EVC2: variants seen among roughly 807,000 people sequenced by gnomAD.
EVC2 encodes the protein limbin.
A neutral mutation model predicts 149.3 loss-of-function variants in EVC2; 148 were observed. The observed-to-expected ratio is 0.99, with a 90% CI of 0.87 to 1.14. The LOEUF (loss-of-function observed/expected upper bound fraction) is 1.14. Ranked by LOEUF, EVC2 falls within the 50% of genes most tolerant of loss-of-function variation. The pLI is 0.00. For missense variants in EVC2, 1,854 were observed against 1,627.3 expected, an observed-to-expected ratio of 1.14 and a Z score of -2.40; for synonymous variants, 776 against 649.9, an observed-to-expected ratio of 1.19 and a Z score of -2.95.
rs568914319 is a variant in EVC2, at chr4:5,614,268, C to A, written c.2829+1154G>T. Among the ~76,000 whole-genome samples the A allele has an allele frequency of 2.8e-4, 43 of 152,302 alleles. No individual in the cohort carries two copies. The South Asian group carries it at 8.9e-3, about 32-fold the overall frequency. ...TTTCTTTCCTTAATAGCACTGATGA[C>A]AGTCTATCATTTTAAGTGTTTATGA... is the stretch of plus-strand genomic sequence containing the variant. On this transcript the variant is annotated intron_variant, in intron 16 of 21. Coordinates refer to ENST00000344408, the MANE Select transcript of EVC2 (RefSeq NM_147127.5). This position sits in a 1 kb window ranked among gnomAD's most constrained non-coding sequence, Gnocchi z 4.7.
chr4:5,694,398 A>T lies in EVC2; in HGVS notation c.387T>A (p.Ala129=). The T allele has an allele frequency of 6.2e-7, 1 of 1,614,196 alleles. No homozygotes were observed. Residue 129 remains alanine (A), a synonymous_variant, in exon 3 of 22, where the codon GCT becomes GCA. Coordinates refer to ENST00000344408, the MANE Select transcript of EVC2 (RefSeq NM_147127.5). ...TCTTCTTAGGCCAGGAGGGTATAAAAGCAAATAAGGAATGAGCCCATGGCC... is the reference window on the plus strand; with the variant it reads ...TCTTCTTAGGCCAGGAGGGTATAAATGCAAATAAGGAATGAGCCCATGGCC... ...SSGPWAHSLF[A]FIPSWPKKNL...
chr4:5,685,890 C>T (rs74771206), intron 5 of EVC2, among the ~76,000 whole-genome samples: 20,981 of 152,122 alleles, frequency 0.14, 1,634 homozygotes, highest in African/African-American at 0.21. Context: ...CTGATGTGGC[C>T]GGGTGGGTGA....
intron 16 of EVC2, among the ~76,000 whole-genome samples, chr4:5,601,510 T>TA (rs965447959): frequency 1.9e-4 from 21 of 109,430 alleles, no homozygotes; most frequent in Admixed American, 4.3e-4. Flanking sequence ...AGACAAATAG[T>TA]AAAAAAAAGG....
rs999615090 is a variant in EVC2 at position 5,637,230 on chromosome 4, A to T, written c.1470+3284T>A. Among the ~76,000 whole-genome samples the T allele has an allele frequency of 5.3e-5, 8 of 152,178 alleles. No individual in the cohort carries two copies. Among genetic ancestry groups the T allele is most frequent in the Admixed American group, 6.5e-5 (1 of 15,280 alleles). ...AGTCTTTTGATAGCAAAGCCACTAGAAACATTCTAGGTGCCCCACAGGACG... is the reference window on the plus strand; with the variant it reads ...AGTCTTTTGATAGCAAAGCCACTAGTAACATTCTAGGTGCCCCACAGGACG... On this transcript the variant is annotated intron_variant, in intron 10 of 21. Coordinates refer to ENST00000344408, the MANE Select transcript of EVC2 (RefSeq NM_147127.5). This position sits in a 1 kb window ranked among gnomAD's most constrained non-coding sequence, Gnocchi z 4.4.
intron 1 of EVC2, among the ~76,000 whole-genome samples, chr4:5,699,314 ATG>A (rs1202658053): frequency 2.6e-5 from 4 of 152,232 alleles, no homozygotes; most frequent in African/African-American, 9.6e-5. Context: ...CACGGAGCTT[ATG>A]TTATGTTATG....
rs766621900 is a variant in EVC2, at chr4:5,689,187, A to G, written c.676T>C (p.Phe226Leu). The G allele has an allele frequency of 6.2e-7, 1 of 1,614,222 alleles. No individual in the cohort carries two copies. The highest frequency in any genetic ancestry group is 8.5e-7 in the Non-Finnish European group (1 of 1,180,050). ...AGAAACTTCTTGCTAAAAGCCTGGA[A>G]TCCTTCCGAGGTCCTGTTTCCCACA... ...DSVGNRTSEG[F>L]QAFSKKFLQV... is the part of the protein sequence containing the mutation. The change falls in exon 5 of 22, where the codon TTC becomes CTC. Residue 226 changes from phenylalanine to leucine, a missense_variant. Phe to Leu is a conservative substitution (Grantham distance 22, BLOSUM62 0). Coordinates refer to ENST00000344408, the MANE Select transcript of EVC2 (RefSeq NM_147127.5).
intron 7 of EVC2, among the ~76,000 whole-genome samples, chr4:5,671,080 A>G (rs1357116666): frequency 6.6e-6 from 1 of 152,248 alleles, no homozygotes; most frequent in Non-Finnish European, 1.5e-5. Context: ...CAAGTGCTTT[A>G]CATGTATTAA....
At chr4:5,573,509 C>T (rs1160056235) in intron 19 of EVC2, among the ~76,000 whole-genome samples, 1 of 152,164 alleles carries the variant, frequency 6.6e-6, no homozygotes, top group African/African-American at 2.4e-5. Flanking sequence ...GTCCTACAAC[C>T]ACAATGGGCT....
intron 15 of EVC2, among the ~76,000 whole-genome samples, chr4:5,615,767 G>T (rs553013634): frequency 2.0e-5 from 3 of 152,214 alleles, no homozygotes; most frequent in South Asian, 4.2e-4. Flanking sequence ...CCCACCAAAG[G>T]GAGCAGAGGG....
chr4:5,556,014 C>T lies in EVC2; in HGVS notation c.3419+9244G>A, dbSNP rs191928230. ...CCAACATAGTGAAATCCCATCTCTACTAAAAATACAAAAAATTAGCCGGGC... is the reference window on the plus strand; with the variant it reads ...CCAACATAGTGAAATCCCATCTCTATTAAAAATACAAAAAATTAGCCGGGC... On this transcript the variant is annotated intron_variant and NMD_transcript_variant, in intron 21 of 22. Transcript: ENST00000475313. Among the ~76,000 whole-genome samples the T allele has an allele frequency of 3.6e-4, 54 of 151,804 alleles. No individual in the cohort carries two copies. The South Asian group carries it at 7.1e-3, about 20-fold the overall frequency.
At chr4:5,556,728 A>G (rs1034708420) in intron 21 of EVC2, among the ~76,000 whole-genome samples, 5 of 152,170 alleles carry the variant, frequency 3.3e-5, no homozygotes, top group African/African-American at 1.2e-4. Flanking sequence ...AAAATTACCA[A>G]TATCAGAAAT....
At chr4:5,675,873 G>A (rs978291805) in intron 7 of EVC2, among the ~76,000 whole-genome samples, 1 of 152,174 alleles carries the variant, frequency 6.6e-6, no homozygotes, top group Non-Finnish European at 1.5e-5. Context: ...GAACCCAGGA[G>A]GCAGAGGTTG....
chr4:5,691,022 C>T (rs989491282), intron 4 of EVC2, among the ~76,000 whole-genome samples: 3 of 152,066 alleles, frequency 2.0e-5, no homozygotes, highest in Non-Finnish European at 2.9e-5. Flanking sequence ...AGACTTTTTT[C>T]CCATTCTAAA....
At chr4:5,563,674 T>C (rs952947025) in intron 21 of EVC2, among the ~76,000 whole-genome samples, 2 of 152,084 alleles carry the variant, frequency 1.3e-5, no homozygotes, top group African/African-American at 4.8e-5. Flanking sequence ...ACTGTCATCA[T>C]GTTGTTAGTG....
chr4:5,659,933 CT>C (rs1260048263), intron 9 of EVC2, among the ~76,000 whole-genome samples: 4 of 152,198 alleles, frequency 2.6e-5, no homozygotes, highest in African/African-American at 9.7e-5. Flanking sequence ...TTTCACTCTA[CT>C]TTTCATTTTC....
rs1422287117 is a variant in EVC2, at chr4:5,576,388, G to A, written c.3124C>T (p.Gln1042Ter). The A allele has an allele frequency of 1.2e-6, 2 of 1,613,408 alleles. No homozygotes were observed. The stretch of plus-strand genomic sequence containing the variant: ...CACTGCTGCCAGCTCGCCAGGGCCT[G>A]CTGCTGCTGGGCTGCCTCCTGCTGC... Reference protein sequence around the residue: ...LVQQEAAQQQQALASWQQWVA... With the variant: ...LVQQEAAQQQ Residue 1042 changes from glutamine to a stop codon, truncating the protein, a stop_gained, in exon 18 of 22, where the codon CAG becomes TAG. Coordinates refer to ENST00000344408, the MANE Select transcript of EVC2 (RefSeq NM_147127.5). LOFTEE classifies it high-confidence loss of function. The surrounding 1 kb of genome is among the most constrained non-coding windows in gnomAD (Gnocchi z 4.5).
At chr4:5,565,484 A>C in intron 20 of EVC2, 125 bp from the exon 21 acceptor site, 1 of 768,392 alleles carries the variant, frequency 1.3e-6, no homozygotes, top group Middle Eastern at 2.9e-4. Flanking sequence ...CAGCCTGGCC[A>C]ACATGGTGAA....
At chr4:5,678,796 C>T (rs377088149) in intron 7 of EVC2, among the ~76,000 whole-genome samples, 2 of 152,042 alleles carry the variant, frequency 1.3e-5, no homozygotes, top group Admixed American at 6.6e-5. Context: ...TTTGGGAGGC[C>T]GAGGTGGCCG....
At chr4:5,551,416 G>A (rs1284625631) in intron 21 of EVC2, among the ~76,000 whole-genome samples, 1 of 152,216 alleles carries the variant, frequency 6.6e-6, no homozygotes, top group African/African-American at 2.4e-5. Context: ...TGGATTTTGG[G>A]CTTGCATGGG....
Sources: allele counts gnomAD v4.1 joint callset (sites outside exome capture counted in the v4.1 genomes callset), GRCh38; gene constraint gnomAD v4.1.1; non-coding constraint Gnocchi (gnomAD v3.1); transcripts MANE v1.5; gene names NCBI Gene and HGNC (gene_info 2026-07-23, HGNC 2026-07-21).